The following SAMMSON variants were observed in gnomAD, a reference collection of about 807,000 sequenced individuals.
SAMMSON encodes the protein long intergenic non-protein coding RNA 1212.
chr3:70,207,817 C>T (rs918272073), intron 4 of SAMMSON, among the ~76,000 whole-genome samples: 7 of 151,980 alleles, frequency 4.6e-5, no homozygotes, highest in Non-Finnish European at 7.4e-5. Flanking sequence ...GAGACCTGAG[C>T]ATCTGAAAAT....
chr3:70,419,244 G>A (rs1374840571), intron 2 of SAMMSON, among the ~76,000 whole-genome samples: 2 of 151,772 alleles, frequency 1.3e-5, no homozygotes, highest in Non-Finnish European at 2.9e-5. Flanking sequence ...TGTGGCCCAG[G>A]CTGGTCTCGA....
chr3:70,391,073 T>C (rs1386005254), downstream of SAMMSON, among the ~76,000 whole-genome samples: 1 of 152,128 alleles, frequency 6.6e-6, no homozygotes, highest in Non-Finnish European at 1.5e-5. Context: ...CTAGTGGTAA[T>C]TTACAGAGAA....
chr3:70,284,741 A>G (rs1227913990), intron 6 of SAMMSON, among the ~76,000 whole-genome samples: 3 of 152,076 alleles, frequency 2.0e-5, no homozygotes, highest in Non-Finnish European at 4.4e-5. Flanking sequence ...ACTGGGGCCT[A>G]TTGGAGGGTG....
At chr3:70,217,883 A>T (rs950034222) in intron 4 of SAMMSON, among the ~76,000 whole-genome samples, 1 of 152,150 alleles carries the variant, frequency 6.6e-6, no homozygotes, top group Non-Finnish European at 1.5e-5. Flanking sequence ...ATCAGCATCT[A>T]TCAGGTTAAT....
chr3:70,027,508 A>G (rs2067045659), intron 3 of SAMMSON, among the ~76,000 whole-genome samples: 2 of 152,186 alleles, frequency 1.3e-5, no homozygotes, highest in Admixed American at 1.3e-4. Context: ...AATTTTAGAA[A>G]CCTTCCCTCT....
In SAMMSON at chr3:70,032,636, A is replaced by G. The variant is rs545904640; in HGVS notation, n.417+18964A>G. Among the ~76,000 whole-genome samples the G allele has an allele frequency of 3.3e-5, 5 of 152,246 alleles. No individual in the cohort carries two copies. In the South Asian group the frequency reaches 1.0e-3, roughly 32 times the overall value. On this transcript the variant is annotated intron_variant and non_coding_transcript_variant, in intron 3 of 9. Coordinates refer to ENST00000642114, the Ensembl canonical transcript of SAMMSON. Reference sequence around the variant, plus strand: ...TTTTATCTGTGTTCAAAACATGTGGAGTTTGATGGTTAGTACCATGGAATG... The same window carrying G: ...TTTTATCTGTGTTCAAAACATGTGGGGTTTGATGGTTAGTACCATGGAATG...
intron 7 of SAMMSON, among the ~76,000 whole-genome samples, chr3:70,308,297 G>T (rs1702422096): frequency 6.6e-6 from 1 of 151,812 alleles, no homozygotes; most frequent in Non-Finnish European, 1.5e-5. Flanking sequence ...TGGGTTCAAG[G>T]GATCTTCCCA....
At chr3:70,430,044 C>T (rs1024472082) in intron 2 of SAMMSON, among the ~76,000 whole-genome samples, 2 of 152,070 alleles carry the variant, frequency 1.3e-5, no homozygotes, top group Non-Finnish European at 2.9e-5. Flanking sequence ...TGTCTTGTGC[C>T]AGTTTTGAAG....
At chr3:70,051,061 G>A (rs570474827) in intron 3 of SAMMSON, among the ~76,000 whole-genome samples, 29 of 140,226 alleles carry the variant, frequency 2.1e-4, no homozygotes, top group Non-Finnish European at 3.8e-4. Flanking sequence ...CTTGAACCCA[G>A]GAGATGGAGG....
intron 4 of SAMMSON, among the ~76,000 whole-genome samples, chr3:70,208,486 A>G (rs1302905747): frequency 1.3e-5 from 2 of 152,084 alleles, no homozygotes; most frequent in African/African-American, 4.8e-5. Context: ...AATCACCTGG[A>G]AAATCTTTTT....
chr3:70,410,120 T>C (rs551331169), intron 2 of SAMMSON, among the ~76,000 whole-genome samples: 1 of 152,334 alleles, frequency 6.6e-6, no homozygotes, highest in East Asian at 1.9e-4. Context: ...CTTTTCCCCC[T>C]AAACTATTCT....
At chr3:70,229,922 TG>T (rs1377830516) in intron 4 of SAMMSON, among the ~76,000 whole-genome samples, 4 of 152,174 alleles carry the variant, frequency 2.6e-5, no homozygotes, top group African/African-American at 7.2e-5. Flanking sequence ...AAGAATATTT[TG>T]GGGTATATAT....
chr3:70,168,209 T>C (rs2067645656), intron 4 of SAMMSON, among the ~76,000 whole-genome samples: 1 of 151,414 alleles, frequency 6.6e-6, no homozygotes, highest in Admixed American at 6.6e-5. Flanking sequence ...TCACGCAGGC[T>C]AGTGACCTTC....
In SAMMSON at chr3:70,206,376, C is replaced by T. The variant is rs1315271049; in HGVS notation, n.508-42731C>T. On this transcript the variant is annotated intron_variant and non_coding_transcript_variant, in intron 4 of 9. Transcript: ENST00000642114. ...TGCCTCTGATTCCCAGCTTTGAGAG[C>T]AAACAATCTGCCAAGCGCCTCATAA... 2.0e-5 allele frequency among the ~76,000 whole-genome samples: 3 copies of T among 152,002 alleles called. No homozygotes were observed. The East Asian group carries it at 5.8e-4, about 29-fold the overall frequency.
intron 4 of SAMMSON, among the ~76,000 whole-genome samples, chr3:70,210,263 C>A (rs760098064): frequency 6.6e-6 from 1 of 152,116 alleles, no homozygotes; most frequent in South Asian, 2.1e-4. Flanking sequence ...TAGGCTTGTA[C>A]TGAGAGAATT....
At chr3:70,293,528 A>G (rs1338405302) in intron 7 of SAMMSON, among the ~76,000 whole-genome samples, 1 of 152,106 alleles carries the variant, frequency 6.6e-6, no homozygotes, top group East Asian at 1.9e-4. Flanking sequence ...TTCTGATTGA[A>G]GGAAATCTTA....
chr3:70,381,098 C>G (rs1703062299), intron 9 of SAMMSON, among the ~76,000 whole-genome samples: 4 of 152,110 alleles, frequency 2.6e-5, no homozygotes, highest in Admixed American at 2.6e-4. Flanking sequence ...CCATTATTTT[C>G]TGACAGCATC....
chr3:70,108,428 T>TTTTTTTTTTTTTTG (rs2067375970), intron 4 of SAMMSON, among the ~76,000 whole-genome samples: 1 of 143,822 alleles, frequency 7.0e-6, no homozygotes, highest in Non-Finnish European at 1.5e-5. Context: ...GGTTCCTTTT[T>TTTTTTTTTTTTTTG]TTTTTTTTTT....
chr3:70,419,805 A>AT (rs1701297173), intron 2 of SAMMSON, among the ~76,000 whole-genome samples: 1 of 151,898 alleles, frequency 6.6e-6, no homozygotes, highest in South Asian at 2.1e-4. Flanking sequence ...CACCCGGCTA[A>AT]TTTTTTATAT....
Sources: gnomAD v4.1 joint callset for allele counts (sites outside exome capture counted in the v4.1 genomes callset) on GRCh38, gnomAD v4.1.1 for gene constraint, MANE v1.5 for transcripts, NCBI Gene and HGNC (gene_info 2026-07-23, HGNC 2026-07-21) for gene names.